The following PPP2R2B variants were observed in gnomAD, a reference collection of about 807,000 sequenced individuals.
PPP2R2B encodes the protein serine/threonine-protein phosphatase 2A 55 kDa regulatory subunit B beta isoform.
Under a neutral mutation model 46.0 loss-of-function variants are expected in PPP2R2B, and 5 were observed. The ratio of observed to expected loss-of-function variants is 0.11; its 90% CI spans 0.06 to 0.23. PPP2R2B has a LOEUF of 0.23. Among genes scored for constraint, PPP2R2B ranks in the 10% least tolerant of loss-of-function variants. PPP2R2B has a pLI of 1.00. For synonymous variants in PPP2R2B, 215 were observed against 206.7 expected (o/e 1.04, Z -0.34); for missense variants, 367 against 575.0 (o/e 0.64, Z 3.70).
In PPP2R2B at chr5:146,638,869, G is replaced by A. The variant is rs1418498803; in HGVS notation, c.626-454C>T. ...TAAGTGATATCTATAATAATAGAGT[G>A]CATATCTTCTTTCATGAAATCCCTA... On this transcript the variant is annotated intron_variant, in intron 6 of 9. Coordinates refer to ENST00000394411, the MANE Select transcript of PPP2R2B (RefSeq NM_181675.4). Among the ~76,000 whole-genome samples the A allele has an allele frequency of 3.9e-5, 6 of 152,102 alleles. No homozygotes were observed. In the East Asian group the frequency reaches 5.8e-4, roughly 15 times the overall value.
intron 1 of PPP2R2B, among the ~76,000 whole-genome samples, chr5:147,019,718 A>G (rs1277004750): frequency 6.6e-6 from 1 of 152,184 alleles, no homozygotes; most frequent in Non-Finnish European, 1.5e-5. Flanking sequence ...CAACTAGTCT[A>G]AGAAATATTC....
At chr5:146,601,236 T>C (rs1045525298) in intron 7 of PPP2R2B, among the ~76,000 whole-genome samples, 1 of 152,222 alleles carries the variant, frequency 6.6e-6, no homozygotes, top group Non-Finnish European at 1.5e-5. Context: ...AACACTGCTA[T>C]GATTATACAT....
At chr5:146,713,691 T>C (rs979888021) in intron 2 of PPP2R2B, among the ~76,000 whole-genome samples, 1 of 152,116 alleles carries the variant, frequency 6.6e-6, no homozygotes, top group East Asian at 1.9e-4. Context: ...AGTTGACCTG[T>C]GAGGATTTGC....
intron 2 of PPP2R2B, among the ~76,000 whole-genome samples, chr5:146,826,127 C>T (rs1165146558): frequency 3.9e-5 from 6 of 152,152 alleles, no homozygotes; most frequent in East Asian, 1.9e-4. Context: ...GCCACTTCCT[C>T]GGTACTTGGC....
rs149332902 is a variant in PPP2R2B, at chr5:146,790,740, G to T, written c.70+87262C>A. On this transcript the variant is annotated intron_variant, in intron 2 of 9. Transcript: ENST00000394411. ...CTCCTTCTCTTGCCTCAGACACCTA[G>T]ATTTTCTTCTCTGAAAATCCTACAA... is the stretch of plus-strand genomic sequence containing the variant. Among the ~76,000 whole-genome samples the T allele has an allele frequency of 2.0e-3, 304 of 152,322 alleles. 1 individual carries two copies. The highest frequency in any genetic ancestry group is 6.7e-3 in the African/African-American group (278 of 41,580).
intron 1 of PPP2R2B, among the ~76,000 whole-genome samples, chr5:146,905,882 G>A (rs537231036): frequency 1.3e-5 from 2 of 152,198 alleles, no homozygotes; most frequent in Non-Finnish European, 2.9e-5. Flanking sequence ...CAGCTTTTGG[G>A]GATGATGGAA....
At position 146,843,189 on chromosome 5, in the gene PPP2R2B, A is replaced by G. The variant is rs1258489346; in HGVS notation, c.70+34813T>C. Among the ~76,000 whole-genome samples, 4 of 152,270 alleles carry G rather than the reference A, an allele frequency of 2.6e-5. No homozygotes were observed. The East Asian group carries it at 7.7e-4, about 29-fold the overall frequency. On this transcript the variant is annotated intron_variant, in intron 2 of 9. Transcript: ENST00000394411. ...GCAATGAGGGCGAAACTCTGCCTCA[A>G]AAAAACTTTAAAATTATCCAGATGC... is the stretch of plus-strand genomic sequence containing the variant.
chr5:146,682,682 A>G (rs987890181), intron 5 of PPP2R2B, among the ~76,000 whole-genome samples: 2 of 152,188 alleles, frequency 1.3e-5, no homozygotes, highest in Non-Finnish European at 2.9e-5. Context: ...TACTTAATAA[A>G]TGTCTGCAAT....
chr5:146,981,955 G>C (rs146085248), intron 1 of PPP2R2B, among the ~76,000 whole-genome samples: 5 of 152,234 alleles, frequency 3.3e-5, no homozygotes, highest in African/African-American at 1.2e-4. Flanking sequence ...TGGCCCAGGT[G>C]GTCAGCATTT....
intron 2 of PPP2R2B, among the ~76,000 whole-genome samples, chr5:147,064,699 G>A (rs981715190): frequency 9.3e-4 from 141 of 152,266 alleles, no homozygotes; most frequent in African/African-American, 3.2e-3. Flanking sequence ...AACAATATTT[G>A]TAAATGTGTT....
intron 7 of PPP2R2B, among the ~76,000 whole-genome samples, chr5:146,618,298 G>A (rs1054117611): frequency 1.3e-5 from 2 of 152,128 alleles, no homozygotes; most frequent in South Asian, 2.1e-4. Flanking sequence ...ATGAGCCAAG[G>A]GAGGCAGGCA....
chr5:146,891,426 A>G (rs1762488181), intron 1 of PPP2R2B, among the ~76,000 whole-genome samples: 1 of 152,248 alleles, frequency 6.6e-6, no homozygotes, highest in Non-Finnish European at 1.5e-5. Context: ...CATTGTCTAC[A>G]TGGATGCTAG....
chr5:147,042,921 T>A (rs1008403650), intron 1 of PPP2R2B, among the ~76,000 whole-genome samples: 1 of 152,076 alleles, frequency 6.6e-6, no homozygotes, highest in African/African-American at 2.4e-5. Context: ...AGAGGGGATG[T>A]ACGTGGTCTG....
At chr5:146,628,102 G>T (rs1048250856) in intron 7 of PPP2R2B, among the ~76,000 whole-genome samples, 2 of 152,008 alleles carry the variant, frequency 1.3e-5, no homozygotes, top group Non-Finnish European at 2.9e-5. Flanking sequence ...GCGCTACCAT[G>T]CCCAGCTAAT....
At chr5:146,939,762 C>A (rs1764263729) in intron 1 of PPP2R2B, among the ~76,000 whole-genome samples, 1 of 152,056 alleles carries the variant, frequency 6.6e-6, no homozygotes, top group Non-Finnish European at 1.5e-5. Context: ...GCCTTTTTGA[C>A]ATTTTTTTCA....
At chr5:146,892,603 A>G (rs1266609031) in intron 1 of PPP2R2B, among the ~76,000 whole-genome samples, 1 of 152,202 alleles carries the variant, frequency 6.6e-6, no homozygotes, top group East Asian at 1.9e-4. Context: ...TCACTAAGTC[A>G]GTATGATCTT....
At position 146,736,044 on chromosome 5, in the gene PPP2R2B, T is replaced by C. The variant is rs150663168; in HGVS notation, c.71-34902A>G. Among the ~76,000 whole-genome samples the C allele has an allele frequency of 9.4e-3, 1,427 of 152,232 alleles. 28 individuals carry two copies. The highest frequency in any genetic ancestry group is 8.7e-3 in the Non-Finnish European group (592 of 68,012). The stretch of plus-strand genomic sequence containing the variant: ...TGTTATGGGAGGGACCAGGTGGAGA[T>C]AATTGAATCATGGGAGCAGTTTCCC... On this transcript the variant is annotated intron_variant, in intron 2 of 9. Transcript: ENST00000394411.
At chr5:146,776,872 A>G (rs553413130) in intron 2 of PPP2R2B, among the ~76,000 whole-genome samples, 1 of 152,242 alleles carries the variant, frequency 6.6e-6, no homozygotes, top group African/African-American at 2.4e-5. Flanking sequence ...AAGATATACA[A>G]ATGGCCAATA....
intron 2 of PPP2R2B, among the ~76,000 whole-genome samples, chr5:147,068,721 G>A (rs1055194364): frequency 6.6e-6 from 1 of 152,166 alleles, no homozygotes; most frequent in African/African-American, 2.4e-5. Context: ...TCTGAACCAT[G>A]TGTGAATAAT....
Sources: allele counts gnomAD v4.1 joint callset (sites outside exome capture counted in the v4.1 genomes callset), GRCh38; gene constraint gnomAD v4.1.1; transcripts MANE v1.5; gene names NCBI Gene and HGNC (gene_info 2026-07-23, HGNC 2026-07-21).